SOS1: variants seen among roughly 807,000 people sequenced by gnomAD.
The protein encoded by SOS1 is SOS Ras/Rac guanine nucleotide exchange factor 1, also known as son of sevenless homolog 1.
Under a neutral mutation model 157.6 loss-of-function variants are expected in SOS1, and 25 were observed. The ratio of observed to expected loss-of-function variants is 0.16; its 90% CI spans 0.12 to 0.22. SOS1 has a LOEUF of 0.22. SOS1 is among the 10% of genes least tolerant of loss of function. The pLI is 1.00. For synonymous variants in SOS1, 528 were observed against 534.0 expected (o/e 0.99, Z 0.16); for missense variants, 1,237 against 1,599.1 (o/e 0.77, Z 3.86).
chr2:39,002,233 G>C (rs1170370486), intron 17 of SOS1, among the ~76,000 whole-genome samples: 8 of 20,308 alleles, frequency 3.9e-4, no homozygotes, highest in African/African-American at 2.3e-3. Context: ...GGCTGAGGCA[G>C]GAGAACTGCT....
At chr2:38,998,782 T>C (rs2124482703) in intron 17 of SOS1, among the ~76,000 whole-genome samples, 1 of 152,334 alleles carries the variant, frequency 6.6e-6, no homozygotes, top group South Asian at 2.1e-4. Flanking sequence ...TTCCCTAAAG[T>C]ACTGATTACA....
At chr2:39,055,453 C>A (rs1449233925) in intron 4 of SOS1, among the ~76,000 whole-genome samples, 3 of 152,056 alleles carry the variant, frequency 2.0e-5, no homozygotes, top group Non-Finnish European at 4.4e-5. Flanking sequence ...TCTTGCATCT[C>A]CTCTCTGTGT....
intron 1 of SOS1, among the ~76,000 whole-genome samples, chr2:39,096,057 A>T (rs1412778472): frequency 1.3e-5 from 2 of 152,210 alleles, no homozygotes; most frequent in African/African-American, 4.8e-5. Flanking sequence ...ACAAACCTTG[A>T]TTGACTACTA....
intron 22 of SOS1, 86 bp downstream of exon 22, chr2:38,987,387 T>G: frequency 1.4e-6 from 1 of 737,644 alleles, no homozygotes; most frequent in Non-Finnish European, 2.5e-6. Context: ...TGTTAACTTA[T>G]CCTAGTGAGA....
chr2:39,000,044 A>G (rs1669041733), intron 17 of SOS1, among the ~76,000 whole-genome samples: 1 of 152,146 alleles, frequency 6.6e-6, no homozygotes, highest in African/African-American at 2.4e-5. Flanking sequence ...TGGGGAGTGG[A>G]TAAATATTTA....
chr2:38,998,964 T>C (rs1373169155), intron 17 of SOS1, among the ~76,000 whole-genome samples: 3 of 152,194 alleles, frequency 2.0e-5, no homozygotes, highest in African/African-American at 4.8e-5. Flanking sequence ...CTTTGAACTG[T>C]TGGCTACTAC....
chr2:39,115,588 T>A (rs550983342), intron 1 of SOS1, among the ~76,000 whole-genome samples: 32 of 151,882 alleles, frequency 2.1e-4, no homozygotes, highest in East Asian at 5.8e-4. Flanking sequence ...CTAATTTTTT[T>A]AAATGTTTTG....
chr2:39,049,069 C>G (rs762144282), intron 6 of SOS1, among the ~76,000 whole-genome samples: 4 of 152,038 alleles, frequency 2.6e-5, no homozygotes, highest in Non-Finnish European at 4.4e-5. Context: ...AGACATGTAC[C>G]ACCACGCCCG....
At chr2:39,032,505 C>A (rs1670197516) in intron 8 of SOS1, among the ~76,000 whole-genome samples, 1 of 152,264 alleles carries the variant, frequency 6.6e-6, no homozygotes, top group East Asian at 1.9e-4. Flanking sequence ...TTTTGCCACT[C>A]ATTTTTTAAC....
chr2:38,990,437 G>C (rs908488096), intron 20 of SOS1, among the ~76,000 whole-genome samples: 2 of 152,102 alleles, frequency 1.3e-5, no homozygotes, highest in African/African-American at 4.8e-5. Context: ...ACATGAAGCT[G>C]TTGCTCTGCC....
rs1671019829 is a variant in SOS1, at chr2:39,051,636, T to A, written c.721-349A>T. ...ACCAAAAATTTCAAAAAATATTTAA[T>A]TCATTAAAAATAATAAACCCATTAT... On this transcript the variant is annotated intron_variant, in intron 5 of 22. Transcript: ENST00000402219. Among the ~76,000 whole-genome samples, 2 of 152,154 alleles carry A rather than the reference T, an allele frequency of 1.3e-5. 1 individual carries two copies. The highest frequency in any genetic ancestry group is 1.3e-4 in the Admixed American group (2 of 15,278).
intron 6 of SOS1, among the ~76,000 whole-genome samples, chr2:39,040,684 T>C (rs1281383068): frequency 6.6e-6 from 1 of 152,236 alleles, no homozygotes; most frequent in Non-Finnish European, 1.5e-5. Flanking sequence ...TGAATTATAT[T>C]CCACTGTATA....
chr2:39,081,318 G>A lies in SOS1; in HGVS notation c.88-13565C>T, dbSNP rs561410938. Among the ~76,000 whole-genome samples the A allele has an allele frequency of 2.0e-5, 3 of 152,074 alleles. 1 individual carries two copies. The highest frequency in any genetic ancestry group is 2.9e-5 in the Non-Finnish European group (2 of 67,954). Reference sequence around the variant, plus strand: ...GCGGATCACTGGAGGTCAGGAGTTCGAGACCAGCCTGGCCAACATGGTGAA... The same window carrying A: ...GCGGATCACTGGAGGTCAGGAGTTCAAGACCAGCCTGGCCAACATGGTGAA... On this transcript the variant is annotated intron_variant, in intron 1 of 22. Transcript: ENST00000402219.
At chr2:38,988,491 GT>G (rs978522037) in intron 21 of SOS1, among the ~76,000 whole-genome samples, 16 of 151,760 alleles carry the variant, frequency 1.1e-4, no homozygotes, top group East Asian at 3.9e-4. Context: ...ATAGTTGGCA[GT>G]TTTTTTTCCC....
rs145308963 is a variant in SOS1, at chr2:39,058,230, T to C, written c.345+443A>G. Among the ~76,000 whole-genome samples, 1,225 of 152,154 alleles carry C rather than the reference T, an allele frequency of 8.1e-3. 7 individuals are homozygous for C. Among genetic ancestry groups the C allele is most frequent in the Middle Eastern group, 0.014 (4 of 294 alleles). ...CTGACTGACTTATTTACATGATAAG[T>C]AGGACTGGAGAGTTTAGGTTATCTT... is the stretch of plus-strand genomic sequence containing the variant. On this transcript the variant is annotated intron_variant, in intron 3 of 22. Coordinates refer to ENST00000402219, the MANE Select transcript of SOS1 (RefSeq NM_005633.4).
intron 8 of SOS1, among the ~76,000 whole-genome samples, chr2:39,033,292 T>C (rs1412852121): frequency 6.6e-6 from 1 of 151,274 alleles, no homozygotes; most frequent in Non-Finnish European, 1.5e-5. Flanking sequence ...AATATACTGC[T>C]AACTTTGCAA....
intron 5 of SOS1, among the ~76,000 whole-genome samples, chr2:39,053,795 A>G (rs1236487456): frequency 6.6e-6 from 1 of 152,094 alleles, no homozygotes; most frequent in Non-Finnish European, 1.5e-5. Context: ...CTAAGTTTCA[A>G]TGTTACTGGC....
chr2:39,065,335 G>T (rs550045263), intron 2 of SOS1, among the ~76,000 whole-genome samples: 5 of 152,184 alleles, frequency 3.3e-5, no homozygotes, highest in African/African-American at 1.2e-4. Flanking sequence ...GTATTAAGAG[G>T]TGTTAACATC....
intron 14 of SOS1, 96 bp from the exon 15 acceptor site, chr2:39,010,799 A>G (rs984465457): frequency 5.0e-6 from 5 of 991,708 alleles, no homozygotes; most frequent in Non-Finnish European, 7.8e-6. Context: ...CTAAACTCTC[A>G]TATGAACTTT....
Sources: allele counts gnomAD v4.1 joint callset (sites outside exome capture counted in the v4.1 genomes callset), GRCh38; gene constraint gnomAD v4.1.1; transcripts MANE v1.5; gene names NCBI Gene and HGNC (gene_info 2026-07-23, HGNC 2026-07-21).